The following ADAMTS17 variants were observed in gnomAD, a reference collection of about 807,000 sequenced individuals.
ADAMTS17 encodes ADAM metallopeptidase with thrombospondin type 1 motif 17.
In ADAMTS17, 113 loss-of-function variants were observed where a neutral mutation model predicts 141.5. The ratio of observed to expected loss-of-function variants is 0.80; its 90% CI spans 0.69 to 0.93. ADAMTS17 has a LOEUF of 0.93. Ranked by LOEUF, ADAMTS17 falls within the 40% of genes least tolerant of loss-of-function variation. The probability of loss-of-function intolerance (pLI) is 0.00; values close to 1 mark genes in which losing one functional copy is unlikely to be tolerated. For missense variants in ADAMTS17, 1,659 were observed against 1,517.9 expected, an observed-to-expected ratio of 1.09 and a Z score of -1.54; for synonymous variants, 768 against 630.6, an observed-to-expected ratio of 1.22 and a Z score of -3.27.
At chr15:100,096,596 C>T (rs1348221911) in intron 14 of ADAMTS17, 120 bp from the exon 15 acceptor site, 2 of 1,273,596 alleles carry the variant, frequency 1.6e-6, no homozygotes, top group Admixed American at 3.6e-5. Context: ...GGGCCCTGAT[C>T]CATTCAGAGG....
At chr15:100,288,344 C>A (rs892983196) in intron 3 of ADAMTS17, among the ~76,000 whole-genome samples, 1 of 152,120 alleles carries the variant, frequency 6.6e-6, no homozygotes, top group Non-Finnish European at 1.5e-5. Flanking sequence ...TATATGCACC[C>A]AACACAGAAG....
chr15:100,153,627 G>A (rs1224607617), intron 9 of ADAMTS17, among the ~76,000 whole-genome samples: 1 of 152,168 alleles, frequency 6.6e-6, no homozygotes, highest in Non-Finnish European at 1.5e-5. Flanking sequence ...CTGGGTGAGA[G>A]AGTGAGACTC....
rs762371104 is a variant in ADAMTS17 at position 100,096,252 on chromosome 15, C to T, written c.2137+104G>A. 4.4e-6 allele frequency: 7 copies of T among 1,579,208 alleles called. No homozygotes were observed. In the African/African-American group the frequency reaches 8.1e-5, roughly 18 times the overall value. On this transcript the variant is annotated intron_variant, in intron 15 of 21. Transcript: ENST00000268070. ...AAGTTCCAGGTCACCTATCCACTAC[C>T]ATCTAGCCCTTAAATATGAAATGTA...
At chr15:100,190,080 G>A (rs1269163550) in intron 8 of ADAMTS17, among the ~76,000 whole-genome samples, 1 of 152,216 alleles carries the variant, frequency 6.6e-6, no homozygotes, top group Admixed American at 6.5e-5. Flanking sequence ...TCTCAACACT[G>A]CAGAAGTGAG....
chr15:100,001,918 G>A (rs2060931273), intron 18 of ADAMTS17, among the ~76,000 whole-genome samples: 1 of 136,398 alleles, frequency 7.3e-6, no homozygotes, highest in South Asian at 2.4e-4. Flanking sequence ...GTAGTGAGCC[G>A]AGATTGCACC....
At chr15:100,322,285 A>G (rs996565022) in intron 3 of ADAMTS17, among the ~76,000 whole-genome samples, 3 of 152,164 alleles carry the variant, frequency 2.0e-5, no homozygotes, top group African/African-American at 7.2e-5. Flanking sequence ...TGGGGGAGGC[A>G]TGCTGGAAAG....
intron 7 of ADAMTS17, among the ~76,000 whole-genome samples, chr15:100,206,458 A>G (rs1264803346): frequency 6.6e-6 from 1 of 152,172 alleles, no homozygotes; most frequent in Non-Finnish European, 1.5e-5. Context: ...ACACACTCAC[A>G]TTCTCTATCG....
intron 13 of ADAMTS17, among the ~76,000 whole-genome samples, chr15:100,114,178 A>G (rs2036969064): frequency 6.6e-6 from 1 of 150,704 alleles, no homozygotes; most frequent in Non-Finnish European, 1.5e-5. Flanking sequence ...TTTTTTTTAA[A>G]AAAAGGAAGA....
At chr15:100,007,109 AT>A (rs1380525352) in intron 18 of ADAMTS17, among the ~76,000 whole-genome samples, 8 of 152,252 alleles carry the variant, frequency 5.3e-5, no homozygotes, top group African/African-American at 1.9e-4. Context: ...AAAACAGACA[AT>A]TTCTTTAACA....
At chr15:100,124,816 C>A (rs750734377) in intron 12 of ADAMTS17, among the ~76,000 whole-genome samples, 1 of 152,164 alleles carries the variant, frequency 6.6e-6, no homozygotes, top group Non-Finnish European at 1.5e-5. Flanking sequence ...ATTTCCCAAG[C>A]GCCTGCAGAA....
At chr15:100,198,737 C>T (rs576741852) in intron 8 of ADAMTS17, among the ~76,000 whole-genome samples, 8 of 152,320 alleles carry the variant, frequency 5.3e-5, no homozygotes, top group African/African-American at 1.9e-4. Context: ...TCAACAACCC[C>T]TCTGACGCTC....
intron 7 of ADAMTS17, among the ~76,000 whole-genome samples, chr15:100,230,536 T>C (rs1483134285): frequency 2.0e-5 from 3 of 152,152 alleles, no homozygotes; most frequent in Non-Finnish European, 4.4e-5. Flanking sequence ...GGTCTGCAAA[T>C]TGCAATGGCA....
chr15:100,174,898 A>C (rs1480737342), intron 8 of ADAMTS17, among the ~76,000 whole-genome samples: 1 of 152,260 alleles, frequency 6.6e-6, no homozygotes, highest in Non-Finnish European at 1.5e-5. Flanking sequence ...ACAAAATCTC[A>C]TCTGAAATGT....
At chr15:100,223,973 C>T (rs895797410) in intron 7 of ADAMTS17, among the ~76,000 whole-genome samples, 7 of 152,132 alleles carry the variant, frequency 4.6e-5, no homozygotes, top group Admixed American at 1.3e-4. Flanking sequence ...CAGGAAGCAT[C>T]CAGCATGGGA....
intron 3 of ADAMTS17, among the ~76,000 whole-genome samples, chr15:100,288,407 T>C (rs755638115): frequency 6.6e-6 from 1 of 152,156 alleles, no homozygotes; most frequent in African/African-American, 2.4e-5. Context: ...AGATAATACA[T>C]AGTAACAGCT....
intron 3 of ADAMTS17, among the ~76,000 whole-genome samples, chr15:100,296,066 C>T (rs745312): frequency 0.016 from 2,496 of 152,184 alleles, 31 homozygotes; most frequent in East Asian, 0.071. Context: ...CAACCTACCA[C>T]CCACATCTAA....
chr15:100,238,459 TAG>T (rs1424298717), intron 7 of ADAMTS17, among the ~76,000 whole-genome samples: 1 of 152,188 alleles, frequency 6.6e-6, no homozygotes, highest in Non-Finnish European at 1.5e-5. Context: ...AGGCACTCAA[TAG>T]AGTTTTACTG....
intron 3 of ADAMTS17, among the ~76,000 whole-genome samples, chr15:100,286,731 C>T (rs2044460368): frequency 6.6e-6 from 1 of 152,062 alleles, no homozygotes; most frequent in African/African-American, 2.4e-5. Context: ...ACAGTATAAA[C>T]ACACTGGCAA....
chr15:100,094,258 T>A (rs1596404262), intron 15 of ADAMTS17, among the ~76,000 whole-genome samples: 1 of 152,220 alleles, frequency 6.6e-6, no homozygotes, highest in Admixed American at 6.5e-5. Flanking sequence ...CAAGCCAGGG[T>A]GGGAGCAGCT....
Sources: gnomAD v4.1 joint callset for allele counts (sites outside exome capture counted in the v4.1 genomes callset) on GRCh38, gnomAD v4.1.1 for gene constraint, MANE v1.5 for transcripts, NCBI Gene and HGNC (gene_info 2026-07-23, HGNC 2026-07-21) for gene names.